ZBTB7A: variants seen among roughly 807,000 people sequenced by gnomAD.
ZBTB7A encodes the protein zinc finger and BTB domain containing 7A.
In ZBTB7A, 7 loss-of-function variants were observed where a neutral mutation model predicts 26.7. That is an observed-to-expected ratio of 0.26 (90% CI 0.15 to 0.49). The LOEUF (loss-of-function observed/expected upper bound fraction) is 0.49. Among genes scored for constraint, ZBTB7A ranks in the 20% least tolerant of loss-of-function variants. The probability of loss-of-function intolerance (pLI) is 0.98; values close to 1 mark genes in which losing one functional copy is unlikely to be tolerated. For synonymous variants in ZBTB7A, 452 were observed against 441.0 expected, an observed-to-expected ratio of 1.02 and a Z score of -0.31; for missense variants, 617 against 919.5, an observed-to-expected ratio of 0.67 and a Z score of 4.25.
At position 4,047,924 on chromosome 19, in the gene ZBTB7A, T is replaced by G. The variant is rs762373721; in HGVS notation, c.1583A>C (p.Asp528Ala). ...PGAPAQPSSP[D>A]ARRNGQEKHF... ...CTTCTCCTGGCCGTTGCGCCGGGCG[T>G]CGGGGGAGCTGGGCTGGGCGGGGGC... The change falls in exon 3 of 3, where the codon GAC becomes GCC. Residue 528 changes from aspartate (D) to alanine (A), a missense_variant. This residue lies in a region of ZBTB7A where 136 missense variants were observed against 126.6 expected (regional missense o/e 1.07). Coordinates refer to ENST00000322357, the MANE Select transcript of ZBTB7A (RefSeq NM_015898.4). The G allele has an allele frequency of 8.0e-6, 12 of 1,506,456 alleles. No individual in the cohort carries two copies. The highest frequency in any genetic ancestry group is 9.8e-6 in the Non-Finnish European group (11 of 1,126,270). The allele number at this position is 1,506,456 out of a possible 1,614,324, so 93.3% of individuals were successfully genotyped here. A position where few individuals can be genotyped will look rare whatever the true frequency, so the allele number is the denominator to read the frequency against.
chr19:4,047,823 C>G lies in ZBTB7A; in HGVS notation c.1684G>C (p.Gly562Arg), dbSNP rs753845110. The change falls in exon 3 of 3, where the codon GGT becomes CGT. Residue 562 changes from glycine (G) to arginine (R), a missense_variant. Coordinates refer to ENST00000322357, the MANE Select transcript of ZBTB7A (RefSeq NM_015898.4). ...GLGRLNVAGA[G>R]GGGDSGGGPG... ...CCACCTCCGCTGTCACCTCCTCCAC[C>G]GGCGCCCGCTACATTCAACCGGCCC... 3.1e-6 allele frequency: 5 copies of G among 1,604,424 alleles called. No homozygotes were observed. Among genetic ancestry groups the G allele is most frequent in the African/African-American group, 1.3e-5 (1 of 74,146 alleles).
chr19:4,058,484 C>A (rs555526500), intron 1 of ZBTB7A, among the ~76,000 whole-genome samples: 2 of 152,196 alleles, frequency 1.3e-5, no homozygotes, highest in South Asian at 2.1e-4. Context: ...TCCACCCACT[C>A]GGAGCTTGTG....
chr19:4,062,393 G>A (rs984002547), intron 1 of ZBTB7A, among the ~76,000 whole-genome samples: 3 of 152,188 alleles, frequency 2.0e-5, no homozygotes, highest in Non-Finnish European at 4.4e-5. Flanking sequence ...GGGGGAGGCT[G>A]GGCCTTGATA....
At chr19:4,049,032 G>A (rs947351362) in intron 2 of ZBTB7A, among the ~76,000 whole-genome samples, 2 of 149,288 alleles carry the variant, frequency 1.3e-5, no homozygotes, top group African/African-American at 4.9e-5. Context: ...CTGGAGGGCA[G>A]TGGCGTGATC....
intron 1 of ZBTB7A, among the ~76,000 whole-genome samples, chr19:4,059,949 G>A (rs960451969): frequency 1.3e-5 from 2 of 152,074 alleles, no homozygotes; most frequent in African/African-American, 4.8e-5. Flanking sequence ...GCCTCCGGAG[G>A]TGGCGGTTTC....
At position 4,048,311 on chromosome 19, in the gene ZBTB7A, C is replaced by A; in HGVS notation, c.1263-67G>T. ...GGACCCCCGATCCCCGCCCAGGGAC[C>A]CTCACGGACACGGCAGGCCCTGGAT... On this transcript the variant is annotated intron_variant, in intron 2 of 2. Coordinates refer to ENST00000322357, the MANE Select transcript of ZBTB7A (RefSeq NM_015898.4). The surrounding 1 kb of genome is among the most constrained non-coding windows in gnomAD (Gnocchi z 6.7). The A allele has an allele frequency of 6.7e-7, 1 of 1,485,690 alleles. No individual in the cohort carries two copies. Among genetic ancestry groups the A allele is most frequent in the South Asian group, 1.3e-5 (1 of 76,920 alleles). 92.0% of individuals were successfully genotyped at this position (1,485,690 alleles called of 1,614,324 possible). A position where few individuals can be genotyped will look rare whatever the true frequency, so the allele number is the denominator to read the frequency against.
At chr19:4,066,009 C>A (rs1470589020) in intron 1 of ZBTB7A, among the ~76,000 whole-genome samples, 1 of 149,032 alleles carries the variant, frequency 6.7e-6, no homozygotes, top group Non-Finnish European at 1.5e-5. Flanking sequence ...CCGCCCCTAC[C>A]CGCAGGCCGC....
Position 4,052,705 on chromosome 19 carries a change from C to G in ZBTB7A, c.1262+1266G>C, listed in dbSNP as rs1178822570. 6.6e-6 allele frequency among the ~76,000 whole-genome samples: 1 copy of G among 152,206 alleles called. No homozygotes were observed. The highest frequency in any genetic ancestry group is 1.5e-5 in the Non-Finnish European group (1 of 68,034). On this transcript the variant is annotated intron_variant, in intron 2 of 2. Coordinates refer to ENST00000322357, the MANE Select transcript of ZBTB7A (RefSeq NM_015898.4). This position sits in a 1 kb window ranked among gnomAD's most constrained non-coding sequence, Gnocchi z 4.9. The stretch of plus-strand genomic sequence containing the variant: ...CCCCTGCCCCCACCGCTACAGCCCG[C>G]CCCGGATCTACGAGGCCCAGCCAGC...
Position 4,045,609 on chromosome 19 carries a change from A to C in ZBTB7A, c.*2143T>G. On this transcript the variant is annotated 3_prime_UTR_variant, in exon 3 of 3. Coordinates refer to ENST00000322357, the MANE Select transcript of ZBTB7A (RefSeq NM_015898.4). This position sits in a 1 kb window ranked among gnomAD's most constrained non-coding sequence, Gnocchi z 4.1. The stretch of plus-strand genomic sequence containing the variant: ...CGAGAAGATGTGTGTGTCACAGAGA[A>C]GGGGGTATGGGGGGGTCGGGGGCAG... 8.6e-6 allele frequency: 2 copies of C among 231,510 alleles called. No individual in the cohort carries two copies. The highest frequency in any genetic ancestry group is 6.2e-5 in the East Asian group (1 of 16,110). The allele number at this position is 231,510 out of a possible 1,614,324, so 14.3% of individuals were successfully genotyped here. A position where few individuals can be genotyped will look rare whatever the true frequency, so the allele number is the denominator to read the frequency against.
intron 1 of ZBTB7A, among the ~76,000 whole-genome samples, chr19:4,065,988 C>A (rs1389214542): frequency 1.3e-5 from 2 of 148,322 alleles, no homozygotes; most frequent in East Asian, 4.1e-4. Flanking sequence ...GCTCACCGCC[C>A]CTCCTCCGCA....
At position 4,047,692 on chromosome 19, in the gene ZBTB7A, AT is replaced by A; in HGVS notation, c.*59del. 5.2e-6 allele frequency: 8 copies of A among 1,531,110 alleles called. No individual in the cohort carries two copies. In the East Asian group the frequency reaches 9.6e-5, roughly 18 times the overall value. 94.8% of individuals were successfully genotyped at this position (1,531,110 alleles called of 1,614,324 possible). A position where few individuals can be genotyped will look rare whatever the true frequency, so the allele number is the denominator to read the frequency against. On this transcript the variant is annotated 3_prime_UTR_variant, in exon 3 of 3. Coordinates refer to ENST00000322357, the MANE Select transcript of ZBTB7A (RefSeq NM_015898.4). ...TGTGTTTTTGGGGGGGTGGTGGGTG[AT>A]TTTTTTTCTCTCTCTCTGTCTCTCT...
chr19:4,055,665 T>A (rs1489517113), intron 1 of ZBTB7A, among the ~76,000 whole-genome samples: 1 of 151,944 alleles, frequency 6.6e-6, no homozygotes, highest in Non-Finnish European at 1.5e-5. Context: ...TACTAAAAAA[T>A]ACAAAAAATT....
intron 1 of ZBTB7A, among the ~76,000 whole-genome samples, chr19:4,057,463 T>C (rs1377483622): frequency 6.6e-6 from 1 of 152,058 alleles, no homozygotes; most frequent in Non-Finnish European, 1.5e-5. Flanking sequence ...CTTCGGCCGA[T>C]ACAGAGGGGA....
At chr19:4,065,284 G>A (rs866015912) in intron 1 of ZBTB7A, 2 of 149,512 alleles carry the variant, frequency 1.3e-5, no homozygotes, top group South Asian at 4.2e-4. Flanking sequence ...CGGGCAGGGC[G>A]AGGGGCCAGG....
chr19:4,046,103 G>A lies in ZBTB7A; in HGVS notation c.*1649C>T, dbSNP rs1257805508. 1 of 398,866 alleles carries A rather than the reference G, an allele frequency of 2.5e-6. No homozygotes were observed. The highest frequency in any genetic ancestry group is 4.4e-6 in the Non-Finnish European group (1 of 226,080). The allele number at this position is 398,866 out of a possible 1,614,324, so 24.7% of individuals were successfully genotyped here. ...TCCCTGAGCTAGGGAGGAGGAAGGAGAGACCCCGTGGACAGAAGCGGGCGC... is the reference window on the plus strand; with the variant it reads ...TCCCTGAGCTAGGGAGGAGGAAGGAAAGACCCCGTGGACAGAAGCGGGCGC... On this transcript the variant is annotated 3_prime_UTR_variant, in exon 3 of 3. Transcript: ENST00000322357.
intron 2 of ZBTB7A, among the ~76,000 whole-genome samples, chr19:4,050,116 G>A (rs548846151): frequency 1.3e-5 from 2 of 152,114 alleles, no homozygotes; most frequent in Admixed American, 1.3e-4. Flanking sequence ...GTAGAGACGG[G>A]GTTTCACCAT....
chr19:4,049,046 G>T (rs1486053406), intron 2 of ZBTB7A, among the ~76,000 whole-genome samples: 1 of 149,066 alleles, frequency 6.7e-6, no homozygotes, highest in African/African-American at 2.5e-5. Flanking sequence ...CGTGATCACG[G>T]TTCCCTGCAG....
At chr19:4,059,165 TG>T (rs1013387073) in intron 1 of ZBTB7A, among the ~76,000 whole-genome samples, 3 of 151,936 alleles carry the variant, frequency 2.0e-5, no homozygotes, top group African/African-American at 7.3e-5. Context: ...CACCCCAGCA[TG>T]GGGGGAGACC....
intron 1 of ZBTB7A, chr19:4,061,947 C>T (rs2040642306): frequency 6.6e-6 from 1 of 152,312 alleles, no homozygotes. Context: ...GAAGCCCATC[C>T]TTGTCCACCC....
Sources: allele counts gnomAD v4.1 joint callset (sites outside exome capture counted in the v4.1 genomes callset), GRCh38; gene constraint gnomAD v4.1.1; regional missense constraint gnomAD v4.1.1; non-coding constraint Gnocchi (gnomAD v3.1); transcripts MANE v1.5; gene names NCBI Gene and HGNC (gene_info 2026-07-23, HGNC 2026-07-21).